The following SERGEF variants were observed in gnomAD, a reference collection of about 807,000 sequenced individuals.
The protein encoded by SERGEF is secretion-regulating guanine nucleotide exchange factor.
A neutral mutation model predicts 50.0 loss-of-function variants in SERGEF; 51 were observed. The ratio of observed to expected loss-of-function variants is 1.02; its 90% CI spans 0.81 to 1.29. The LOEUF is 1.29. Among genes scored for constraint, SERGEF ranks in the 50% most tolerant of loss-of-function variants. The pLI, the probability that SERGEF is intolerant of heterozygous loss-of-function variation, is 0.00. For missense variants in SERGEF, 521 were observed against 557.0 expected, an observed-to-expected ratio of 0.94 and a Z score of 0.65; for synonymous variants, 205 against 212.4, an observed-to-expected ratio of 0.97 and a Z score of 0.30.
intron 8 of SERGEF, among the ~76,000 whole-genome samples, chr11:17,970,719 G>A (rs1203141427): frequency 6.6e-6 from 1 of 152,184 alleles, no homozygotes; most frequent in African/African-American, 2.4e-5. Flanking sequence ...CCTTTTTGCT[G>A]ATATAGAGAA....
chr11:17,976,535 C>T (rs988808918), intron 8 of SERGEF, among the ~76,000 whole-genome samples: 3 of 145,322 alleles, frequency 2.1e-5, no homozygotes, highest in South Asian at 2.2e-4. Context: ...CTCCTGACCT[C>T]GTGATCCACC....
intron 8 of SERGEF, among the ~76,000 whole-genome samples, chr11:17,981,205 C>T (rs761745738): frequency 6.6e-6 from 1 of 152,184 alleles, no homozygotes; most frequent in Non-Finnish European, 1.5e-5. Flanking sequence ...CCACAAGCTT[C>T]CTAAAGGTGG....
chr11:17,933,678 G>A (rs1201024363), intron 9 of SERGEF, among the ~76,000 whole-genome samples: 1 of 148,526 alleles, frequency 6.7e-6, no homozygotes, highest in Non-Finnish European at 1.5e-5. Context: ...ACCCTCTATT[G>A]AAGAACAAAC....
chr11:18,005,329 G>C (rs1854051368), intron 3 of SERGEF, among the ~76,000 whole-genome samples: 1 of 152,310 alleles, frequency 6.6e-6, no homozygotes, highest in Admixed American at 6.5e-5. Context: ...CTCCACAGAG[G>C]AGGATGGTGA....
At chr11:17,817,720 A>G (rs1850005382) in intron 10 of SERGEF, among the ~76,000 whole-genome samples, 1 of 152,228 alleles carries the variant, frequency 6.6e-6, no homozygotes, top group Non-Finnish European at 1.5e-5. Context: ...CTGCAAGGTT[A>G]GTGTTATTAA....
At chr11:17,806,537 C>T (rs780048529) in intron 10 of SERGEF, among the ~76,000 whole-genome samples, 1 of 152,180 alleles carries the variant, frequency 6.6e-6, no homozygotes, top group Non-Finnish European at 1.5e-5. Context: ...CTCAAACCAA[C>T]GTCAGCCTGT....
Position 17,821,102 on chromosome 11 carries a change from C to T in SERGEF, c.1049-32689G>A, listed in dbSNP as rs1850072740. Reference sequence around the variant, plus strand: ...GGTCAGGGTTTTTGCAGCCACAAGCCAAGGAATGCCTGGAAACACCAGAAG... The same window carrying T: ...GGTCAGGGTTTTTGCAGCCACAAGCTAAGGAATGCCTGGAAACACCAGAAG... On this transcript the variant is annotated intron_variant, in intron 10 of 10. Transcript: ENST00000265965. Among the ~76,000 whole-genome samples, 6 of 152,224 alleles carry T rather than the reference C, an allele frequency of 3.9e-5. No homozygotes were observed. The South Asian group carries it at 1.2e-3, about 32-fold the overall frequency.
At chr11:17,846,722 T>TCC in intron 10 of SERGEF, 1 of 456,240 alleles carries the variant, frequency 2.2e-6, no homozygotes. Context: ...CATTTCCACA[T>TCC]CAGCAAAACT....
intron 2 of SERGEF, among the ~76,000 whole-genome samples, 195 bp downstream of exon 2, chr11:18,007,743 TAGA>T: frequency 6.6e-6 from 1 of 151,996 alleles, no homozygotes; most frequent in East Asian, 1.9e-4. Context: ...AGGGGTGGCC[TAGA>T]AGATCTCTGA....
rs1851480155 is a variant in SERGEF at position 17,888,723 on chromosome 11, C to G, written c.1012-10479G>C. Among the ~76,000 whole-genome samples the G allele has an allele frequency of 6.6e-6, 1 of 151,626 alleles. No individual in the cohort carries two copies. The highest frequency in any genetic ancestry group is 2.1e-4 in the South Asian group (1 of 4,800). On this transcript the variant is annotated intron_variant, in intron 9 of 10. Coordinates refer to ENST00000265965, the MANE Select transcript of SERGEF (RefSeq NM_012139.4). The surrounding 1 kb of genome is among the most constrained non-coding windows in gnomAD (Gnocchi z 4.1). ...TGAAATTGCCCAGCAGCACTGACAC[C>G]CCAGCAGCAATGAGTTTACTTGGTG...
chr11:17,841,858 C>T (rs1850509146), intron 10 of SERGEF, among the ~76,000 whole-genome samples: 1 of 152,188 alleles, frequency 6.6e-6, no homozygotes, highest in African/African-American at 2.4e-5. Context: ...CATATTTGTC[C>T]ATATGCCTAG....
At position 17,837,653 on chromosome 11, in the gene SERGEF, CTCTT is replaced by C. The variant is rs796628006; in HGVS notation, c.1048+40551_1048+40554del. Among the ~76,000 whole-genome samples the C allele has an allele frequency of 4.8e-3, 723 of 150,506 alleles. 3 individuals are homozygous for C. The highest frequency in any genetic ancestry group is 0.015 in the African/African-American group (622 of 40,852). ...CTGCAGAACTATAAGCCAAGTAAACCTCTTTCTTTTTTTTTTTTTTTTTGAGACA... is the reference window on the plus strand; with the variant it reads ...CTGCAGAACTATAAGCCAAGTAAACCTCTTTTTTTTTTTTTTTTTGAGACA... On this transcript the variant is annotated intron_variant, in intron 10 of 10. Coordinates refer to ENST00000265965, the MANE Select transcript of SERGEF (RefSeq NM_012139.4).
intron 10 of SERGEF, among the ~76,000 whole-genome samples, chr11:17,813,791 A>G (rs1049348992): frequency 2.0e-5 from 3 of 152,246 alleles, no homozygotes; most frequent in Admixed American, 6.5e-5. Flanking sequence ...CAGATTGAAA[A>G]CAATGTGTAC....
At chr11:18,000,438 G>T in intron 5 of SERGEF, 59 bp downstream of exon 5, 1 of 1,163,980 alleles carries the variant, frequency 8.6e-7, no homozygotes, top group Non-Finnish European at 1.2e-6. Context: ...AACAGAGTGA[G>T]ACCCCATCTC....
rs569950233 is a variant in SERGEF, at chr11:17,950,178, T to A, written c.1011+9292A>T. Among the ~76,000 whole-genome samples the A allele has an allele frequency of 6.6e-5, 10 of 152,268 alleles. No homozygotes were observed. The South Asian group carries it at 1.2e-3, about 19-fold the overall frequency. On this transcript the variant is annotated intron_variant, in intron 9 of 10. Transcript: ENST00000265965. ...GGGCACACATTCATCCCTATAACAA[T>A]CATTTGCTCAGCACCTGCTGTGTGC...
intron 10 of SERGEF, among the ~76,000 whole-genome samples, chr11:17,862,367 C>T (rs1233600068): frequency 3.3e-5 from 5 of 152,180 alleles, no homozygotes; most frequent in African/African-American, 9.7e-5. Flanking sequence ...CCTATTTTAT[C>T]CATAAAGAAA....
At chr11:17,797,782 G>A (rs1208995355) in intron 10 of SERGEF, among the ~76,000 whole-genome samples, 1 of 152,220 alleles carries the variant, frequency 6.6e-6, no homozygotes, top group Non-Finnish European at 1.5e-5. Context: ...CTCTCTTAGA[G>A]GGCCAAAAGG....
At chr11:17,957,714 T>C (rs1852903519) in intron 9 of SERGEF, among the ~76,000 whole-genome samples, 1 of 149,766 alleles carries the variant, frequency 6.7e-6, no homozygotes, top group Non-Finnish European at 1.5e-5. Flanking sequence ...GGAAAACAGT[T>C]CAACAGAGAT....
At chr11:17,889,754 T>C (rs1851498299) in intron 9 of SERGEF, among the ~76,000 whole-genome samples, 1 of 152,224 alleles carries the variant, frequency 6.6e-6, no homozygotes, top group Admixed American at 6.5e-5. Flanking sequence ...AAAATGTTAA[T>C]ACATTCTGTG....
Sources: gnomAD v4.1 joint callset for allele counts (sites outside exome capture counted in the v4.1 genomes callset) on GRCh38, gnomAD v4.1.1 for gene constraint, Gnocchi (gnomAD v3.1) non-coding constraint, MANE v1.5 for transcripts, NCBI Gene and HGNC (gene_info 2026-07-23, HGNC 2026-07-21) for gene names.